NFIA: variants seen among roughly 807,000 people sequenced by gnomAD.
The protein encoded by NFIA is nuclear factor 1 A-type.
NFIA carries 8 observed loss-of-function variants against 62.8 expected under a neutral mutation model. The observed-to-expected ratio is 0.13, with a 90% CI of 0.07 to 0.23. The LOEUF is 0.23. Ranked by LOEUF, NFIA falls within the 10% of genes least tolerant of loss-of-function variation. The pLI is 1.00. For synonymous variants in NFIA, 235 were observed against 238.1 expected (o/e 0.99, Z 0.12); for missense variants, 410 against 642.1 (o/e 0.64, Z 3.91).
intron 1 of NFIA, among the ~76,000 whole-genome samples, chr1:61,083,308 C>A (rs1351578766): frequency 6.6e-6 from 1 of 152,144 alleles, no homozygotes; most frequent in Non-Finnish European, 1.5e-5. Context: ...CGGCTGCAGT[C>A]CTCGGGTGCG....
intron 2 of NFIA, among the ~76,000 whole-genome samples, chr1:61,193,630 T>C (rs1316349042): frequency 6.6e-6 from 1 of 152,216 alleles, no homozygotes; most frequent in Non-Finnish European, 1.5e-5. Context: ...AGAAAAGAGA[T>C]GAAGGATTAT....
At chr1:61,241,096 G>A (rs1655324222) in intron 2 of NFIA, among the ~76,000 whole-genome samples, 1 of 151,898 alleles carries the variant, frequency 6.6e-6, no homozygotes, top group Non-Finnish European at 1.5e-5. Flanking sequence ...ACATGAAGTG[G>A]GACAGTCTGA....
At chr1:61,162,967 A>T (rs1021168338) in intron 2 of NFIA, among the ~76,000 whole-genome samples, 10 of 152,230 alleles carry the variant, frequency 6.6e-5, no homozygotes, top group Non-Finnish European at 1.3e-4. Flanking sequence ...GGAGTACATT[A>T]TCAAGAGTAC....
At chr1:61,334,240 T>G (rs1661462902) in intron 4 of NFIA, among the ~76,000 whole-genome samples, 1 of 151,798 alleles carries the variant, frequency 6.6e-6, no homozygotes, top group African/African-American at 2.4e-5. Context: ...AATGAGACAT[T>G]AGGAGCAGCA....
At chr1:61,312,839 G>T (rs1442088504) in intron 3 of NFIA, among the ~76,000 whole-genome samples, 1 of 151,354 alleles carries the variant, frequency 6.6e-6, no homozygotes, top group Non-Finnish European at 1.5e-5. Context: ...TTACAATAAG[G>T]GTTATTCTAT....
intron 10 of NFIA, among the ~76,000 whole-genome samples, chr1:61,428,720 A>T (rs1666976382): frequency 6.6e-6 from 1 of 152,152 alleles, no homozygotes; most frequent in Non-Finnish European, 1.5e-5. Context: ...TTCCCTTTCA[A>T]GAGGACATCA....
At chr1:61,137,228 T>G (rs1444541871) in intron 2 of NFIA, among the ~76,000 whole-genome samples, 2 of 152,222 alleles carry the variant, frequency 1.3e-5, no homozygotes, top group African/African-American at 4.8e-5. Context: ...AAACATTTGT[T>G]AAGTGCTGCA....
intron 2 of NFIA, among the ~76,000 whole-genome samples, chr1:61,205,529 A>G (rs1036731542): frequency 1.4e-4 from 21 of 152,100 alleles, no homozygotes; most frequent in African/African-American, 5.1e-4. Context: ...ATATTAACCC[A>G]TTTATGCTGG....
chr1:61,081,986 C>A, upstream of NFIA: 1 of 1,550,644 alleles, frequency 6.4e-7, no homozygotes, highest in Non-Finnish European at 8.7e-7. Context: ...TCTCTACGTG[C>A]CCACGCGGTG....
intron 2 of NFIA, among the ~76,000 whole-genome samples, chr1:61,220,722 G>A (rs1196532888): frequency 6.6e-6 from 1 of 152,292 alleles, no homozygotes; most frequent in Middle Eastern, 3.4e-3. Flanking sequence ...TGCCTAAATA[G>A]AATGTGGTTT....
At chr1:61,276,109 C>T (rs1457590830) in intron 2 of NFIA, among the ~76,000 whole-genome samples, 1 of 152,124 alleles carries the variant, frequency 6.6e-6, no homozygotes, top group Non-Finnish European at 1.5e-5. Flanking sequence ...CACTTTTTAG[C>T]ATCTTCTGTT....
intron 9 of NFIA, among the ~76,000 whole-genome samples, chr1:61,416,365 A>G (rs1325041556): frequency 6.6e-6 from 1 of 152,144 alleles, no homozygotes; most frequent in African/African-American, 2.4e-5. Flanking sequence ...ATCCTTGGCA[A>G]TTTTTATACA....
intron 7 of NFIA, among the ~76,000 whole-genome samples, chr1:61,395,917 C>T (rs186170606): frequency 3.9e-5 from 6 of 152,278 alleles, no homozygotes; most frequent in East Asian, 1.9e-4. Context: ...TTTTTAAAAT[C>T]ATTTGTTTTA....
intron 3 of NFIA, among the ~76,000 whole-genome samples, chr1:61,311,277 GCTACTC>G (rs1411143455): frequency 6.6e-6 from 1 of 152,092 alleles, no homozygotes; most frequent in African/African-American, 2.4e-5. Flanking sequence ...TATAGTCCCA[GCTACTC>G]GAGAGGCTGA....
At chr1:61,187,227 T>G (rs1349576120) in intron 2 of NFIA, among the ~76,000 whole-genome samples, 1 of 152,120 alleles carries the variant, frequency 6.6e-6, no homozygotes, top group Non-Finnish European at 1.5e-5. Flanking sequence ...TTATTATTAT[T>G]ATGCCATATT....
chr1:61,204,664 G>GC lies in NFIA; in HGVS notation c.560-72848dup, dbSNP rs1011273999. 1.1e-3 allele frequency among the ~76,000 whole-genome samples: 165 copies of GC among 151,412 alleles called. 2 individuals are homozygous for GC. The highest frequency in any genetic ancestry group is 5.9e-3 in the South Asian group (28 of 4,768). ...TTATGTCTGCCTTAGTCCACCTTCT[G>GC]CCCCCCCCACCCTTGGGTTGATGTG... On this transcript the variant is annotated intron_variant, in intron 2 of 10. Transcript: ENST00000403491.
intron 6 of NFIA, among the ~76,000 whole-genome samples, chr1:61,363,561 G>A (rs1663417265): frequency 6.6e-6 from 1 of 150,432 alleles, no homozygotes; most frequent in South Asian, 2.1e-4. Flanking sequence ...CCGAGATCGT[G>A]CCATTGCACT....
intron 10 of NFIA, among the ~76,000 whole-genome samples, chr1:61,438,634 G>A (rs984238688): frequency 7.2e-5 from 11 of 151,992 alleles, no homozygotes; most frequent in East Asian, 3.9e-4. Flanking sequence ...AACTAACGTC[G>A]CCAGTTTCTC....
chr1:61,385,558 A>C (rs1278962592), intron 7 of NFIA, among the ~76,000 whole-genome samples: 1 of 152,200 alleles, frequency 6.6e-6, no homozygotes, highest in African/African-American at 2.4e-5. Context: ...AGCATAATGC[A>C]ATCTGTATAT....
Sources: allele counts gnomAD v4.1 joint callset (sites outside exome capture counted in the v4.1 genomes callset), GRCh38; gene constraint gnomAD v4.1.1; transcripts MANE v1.5; gene names NCBI Gene and HGNC (gene_info 2026-07-23, HGNC 2026-07-21).